Variants in PDZD2 observed in about 807,000 individuals in gnomAD.
The protein encoded by PDZD2 is PDZ domain containing 2, also known as PDZ domain-containing protein 2.
A neutral mutation model predicts 220.7 loss-of-function variants in PDZD2; 90 were observed. The observed-to-expected ratio is 0.41, with a 90% CI of 0.34 to 0.49. The LOEUF (loss-of-function observed/expected upper bound fraction) is 0.49, where lower values mean the gene tolerates loss of function less well. Ranked by LOEUF, PDZD2 falls within the 20% of genes least tolerant of loss-of-function variation. The pLI is 0.28. For missense variants in PDZD2, 3,174 were observed against 3,608.5 expected (o/e 0.88, Z 3.08); for synonymous variants, 1,375 against 1,450.5 (o/e 0.95, Z 1.18).
chr5:31,841,354 G>T (rs988943898), intron 2 of PDZD2, among the ~76,000 whole-genome samples: 2 of 152,138 alleles, frequency 1.3e-5, no homozygotes, highest in Non-Finnish European at 2.9e-5. Flanking sequence ...ACTAAGCCAG[G>T]CTTTCCCTAA....
rs535912904 is a variant in PDZD2, at chr5:31,983,380, C to T, written c.702C>T (p.Ser234=). The change falls in exon 3 of 25, where the codon TCC becomes TCT. Residue 234 remains serine (S), a synonymous_variant. Coordinates refer to ENST00000438447, the MANE Select transcript of PDZD2 (RefSeq NM_178140.4). ...CTGCCAACAAGGCCCCTGAAGAATC[C>T]AAGGGCAGCGCTGGCTGTGAGGTGT... ...RPPANKAPEE[S]KGSAGCEVSS... 1.6e-5 allele frequency: 26 copies of T among 1,614,196 alleles called. No individual in the cohort carries two copies. The highest frequency in any genetic ancestry group is 2.2e-5 in the Non-Finnish European group (26 of 1,180,034).
chr5:31,808,987 A>T (rs1265766077), intron 2 of PDZD2, among the ~76,000 whole-genome samples: 1 of 149,728 alleles, frequency 6.7e-6, no homozygotes, highest in Non-Finnish European at 1.5e-5. Flanking sequence ...TCAAAAAAAA[A>T]AAAATAATAA....
intron 2 of PDZD2, among the ~76,000 whole-genome samples, chr5:31,976,077 A>G (rs77677446): frequency 0.22 from 33,100 of 151,850 alleles, 3,774 homozygotes; most frequent in Middle Eastern, 0.31. Context: ...CCTAAGGACA[A>G]TTTGACTCTG....
intron 2 of PDZD2, among the ~76,000 whole-genome samples, chr5:31,881,352 GTGTGTGTGTGTGTGTGTA>G (rs1179698377): frequency 1.2e-4 from 17 of 139,650 alleles, no homozygotes; most frequent in African/African-American, 5.0e-4. Flanking sequence ...GTGTGTGTGT[GTGTGTGTGTGTGTGTGTA>G]TATATTTTTT....
chr5:32,093,187 G>A (rs1042931304), intron 21 of PDZD2, among the ~76,000 whole-genome samples, 163 bp downstream of exon 21: 3 of 152,186 alleles, frequency 2.0e-5, no homozygotes, highest in Non-Finnish European at 4.4e-5. Context: ...TTGGCCTCAC[G>A]TGCTGCTAGC....
rs773895056 is a variant in PDZD2, at chr5:32,089,399, C to T, written c.5951C>T (p.Ser1984Leu). Residue 1984 changes from serine (S) to leucine (L), a missense_variant, in exon 20 of 25, where the codon TCG becomes TTG. By Grantham distance (145) the Ser-to-Leu change is moderately radical (BLOSUM62 -2). This residue lies in a region of PDZD2 where 1,861 missense variants were observed against 2,001.0 expected (regional missense o/e 0.93). Transcript: ENST00000438447. ...VSDTSIRTFV[S>L]PLTSPKPVPE... The stretch of plus-strand genomic sequence containing the variant: ...GACACGAGCATCAGGACATTTGTCT[C>T]GCCCCTGACCTCTCCCAAGCCTGTT... 6 of 1,614,000 alleles carry T rather than the reference C, an allele frequency of 3.7e-6. No homozygotes were observed. Among genetic ancestry groups the T allele is most frequent in the South Asian group, 2.2e-5 (2 of 91,092 alleles).
intron 2 of PDZD2, among the ~76,000 whole-genome samples, chr5:31,965,012 G>A (rs568736042): frequency 6.6e-6 from 1 of 152,260 alleles, no homozygotes; most frequent in Non-Finnish European, 1.5e-5. Flanking sequence ...ATGAGCCACC[G>A]CGCCCGGCCA....
intron 7 of PDZD2, among the ~76,000 whole-genome samples, chr5:32,047,668 G>A (rs958311211): frequency 6.6e-6 from 1 of 152,208 alleles, no homozygotes; most frequent in Non-Finnish European, 1.5e-5. Flanking sequence ...AATCTTTGCT[G>A]ACCCTTGTTC....
intron 4 of PDZD2, 63 bp downstream of exon 4, chr5:31,995,781 C>T (rs1478920499): frequency 6.2e-6 from 9 of 1,448,954 alleles, no homozygotes; most frequent in Admixed American, 1.9e-5. Flanking sequence ...TCTCCCTCCC[C>T]ACTGGTGCAG....
chr5:32,077,245 C>A (rs546328416), intron 18 of PDZD2, among the ~76,000 whole-genome samples: 1 of 147,400 alleles, frequency 6.8e-6, no homozygotes, highest in East Asian at 2.2e-4. Context: ...ATGTTTTATG[C>A]CCATTTTAGA....
At chr5:31,699,696 C>T (rs773641638) in intron 1 of PDZD2, among the ~76,000 whole-genome samples, 1 of 151,874 alleles carries the variant, frequency 6.6e-6, no homozygotes, top group Non-Finnish European at 1.5e-5. Flanking sequence ...CTCCACCTCC[C>T]GGGTTCAAGC....
chr5:31,673,223 G>A (rs1580546045), intron 1 of PDZD2, among the ~76,000 whole-genome samples: 1 of 152,158 alleles, frequency 6.6e-6, no homozygotes, highest in South Asian at 2.1e-4. Flanking sequence ...CTGGTTCTGT[G>A]GGGCTGTGAG....
chr5:31,796,550 G>A (rs764200412), intron 1 of PDZD2, among the ~76,000 whole-genome samples: 36 of 152,174 alleles, frequency 2.4e-4, no homozygotes, highest in Admixed American at 4.6e-4. Flanking sequence ...GCAGTACTGA[G>A]GTCTCGGGGA....
At chr5:31,712,451 CCTCTCT>C (rs72212182) in intron 1 of PDZD2, among the ~76,000 whole-genome samples, 1,439 of 131,416 alleles carry the variant, frequency 0.011, 31 homozygotes, top group African/African-American at 0.034. Context: ...GCTGGGCCTG[CCTCTCT>C]CTCTCTCTCT....
intron 1 of PDZD2, among the ~76,000 whole-genome samples, chr5:31,723,646 T>C (rs889816578): frequency 6.6e-6 from 1 of 152,260 alleles, no homozygotes; most frequent in South Asian, 2.1e-4. Context: ...AGACGAAGTC[T>C]CGCTCTTGTC....
intron 6 of PDZD2, among the ~76,000 whole-genome samples, chr5:32,029,613 A>G (rs1271416262): frequency 6.6e-6 from 1 of 152,110 alleles, no homozygotes. Flanking sequence ...CCCTCACCAT[A>G]GGCAACCTCA....
intron 9 of PDZD2, among the ~76,000 whole-genome samples, chr5:32,053,143 G>T (rs1349573499): frequency 6.6e-6 from 1 of 152,154 alleles, no homozygotes; most frequent in Admixed American, 6.5e-5. Context: ...TTGCTCCTAC[G>T]ATGTAAGGAG....
At chr5:31,697,158 G>A (rs1272964030) in intron 1 of PDZD2, among the ~76,000 whole-genome samples, 1 of 152,166 alleles carries the variant, frequency 6.6e-6, no homozygotes, top group East Asian at 1.9e-4. Context: ...ACTGTAGAAA[G>A]TTTAGAAAAT....
intron 1 of PDZD2, among the ~76,000 whole-genome samples, chr5:31,739,008 C>T (rs558624034): frequency 6.6e-6 from 1 of 152,040 alleles, no homozygotes; most frequent in Non-Finnish European, 1.5e-5. Context: ...GCCTCAGCCT[C>T]CTGAGTAGCT....
Sources: allele counts gnomAD v4.1 joint callset (sites outside exome capture counted in the v4.1 genomes callset), GRCh38; gene constraint gnomAD v4.1.1; regional missense constraint gnomAD v4.1.1; transcripts MANE v1.5; gene names NCBI Gene and HGNC (gene_info 2026-07-23, HGNC 2026-07-21).